HMG20A: variants seen among roughly 807,000 people sequenced by gnomAD.
HMG20A encodes the protein high mobility group 20A, also known as high mobility group protein 20A.
HMG20A carries 17 observed loss-of-function variants against 43.9 expected under a neutral mutation model. That is an observed-to-expected ratio of 0.39 (90% confidence interval 0.27 to 0.58). The LOEUF (loss-of-function observed/expected upper bound fraction) is 0.58, where lower values mean the gene tolerates loss of function less well. Ranked by LOEUF, HMG20A falls within the 20% of genes least tolerant of loss-of-function variation. The pLI is 0.59. For synonymous variants in HMG20A, 132 were observed against 147.5 expected, an observed-to-expected ratio of 0.89 and a Z score of 0.76; for missense variants, 341 against 438.2, an observed-to-expected ratio of 0.78 and a Z score of 1.98.
chr15:77,457,485 T>C (rs1161894293), intron 1 of HMG20A, among the ~76,000 whole-genome samples: 3 of 152,262 alleles, frequency 2.0e-5, no homozygotes. Flanking sequence ...ATCCCTTTCA[T>C]GATGAAGGGA....
chr15:77,460,671 T>C (rs2072696872), intron 2 of HMG20A, among the ~76,000 whole-genome samples: 1 of 152,030 alleles, frequency 6.6e-6, no homozygotes, highest in Non-Finnish European at 1.5e-5. Flanking sequence ...GCCTGACCTC[T>C]GGGATACTCC....
intron 2 of HMG20A, among the ~76,000 whole-genome samples, chr15:77,463,938 A>G (rs983844971): frequency 6.6e-6 from 1 of 152,214 alleles, no homozygotes; most frequent in Non-Finnish European, 1.5e-5. Flanking sequence ...GTCAGATTCT[A>G]CTGCATATTC....
chr15:77,464,874 A>G (rs1172317751), intron 3 of HMG20A: 2 of 152,328 alleles, frequency 1.3e-5, no homozygotes, highest in African/African-American at 4.8e-5. Context: ...TTTCTTACAA[A>G]TAACTGATTA....
At chr15:77,511,593 A>G in the HMG20A span, among the ~76,000 whole-genome samples, 1 of 152,248 alleles carries the variant, frequency 6.6e-6, no homozygotes, top group Non-Finnish European at 1.5e-5. Context: ...AAACAACCCA[A>G]TTAAAAAGGA....
At position 77,462,803 on chromosome 15, in the gene HMG20A, T is replaced by G. The variant is rs1436593453; in HGVS notation, c.90-1437T>G. On this transcript the variant is annotated intron_variant, in intron 2 of 9. Coordinates refer to ENST00000336216, the MANE Select transcript of HMG20A (RefSeq NM_001304504.2). ...TTTTTTTTTTTTTGAGACTGAGTCTTACTCTGTCACCCAGGTTGGAGTGCA... is the reference window on the plus strand; with the variant it reads ...TTTTTTTTTTTTTGAGACTGAGTCTGACTCTGTCACCCAGGTTGGAGTGCA... 9.4e-5 allele frequency among the ~76,000 whole-genome samples: 14 copies of G among 149,010 alleles called. 1 individual carries two copies. The East Asian group carries it at 2.7e-3, about 29-fold the overall frequency.
chr15:77,488,492 G>A (rs74638858), downstream of HMG20A, among the ~76,000 whole-genome samples: 4,853 of 152,248 alleles, frequency 0.032, 259 homozygotes, highest in African/African-American at 0.11. Flanking sequence ...CTTACCTGAT[G>A]AGATATTTTT....
intron 1 of HMG20A, among the ~76,000 whole-genome samples, chr15:77,439,615 T>C (rs1212420825): frequency 6.6e-6 from 1 of 152,208 alleles, no homozygotes; most frequent in African/African-American, 2.4e-5. Flanking sequence ...GACTATATCA[T>C]AACATATCCA....
At chr15:77,426,550 A>G (rs1266218486) in intron 1 of HMG20A, among the ~76,000 whole-genome samples, 1 of 152,114 alleles carries the variant, frequency 6.6e-6, no homozygotes, top group Non-Finnish European at 1.5e-5. Context: ...GTAGGCTGAG[A>G]AGGAGGAAGA....
At chr15:77,425,204 T>C (rs539101934) in intron 1 of HMG20A, among the ~76,000 whole-genome samples, 1 of 152,324 alleles carries the variant, frequency 6.6e-6, no homozygotes, top group African/African-American at 2.4e-5. Flanking sequence ...GCACTTACTG[T>C]CCAGTGCTCC....
At chr15:77,458,550 T>G in intron 2 of HMG20A, 54 bp downstream of exon 2, 2 of 1,212,892 alleles carry the variant, frequency 1.6e-6, no homozygotes, top group Non-Finnish European at 1.2e-6. Flanking sequence ...AAACAAAGCT[T>G]CTAGCAAAGT....
At chr15:77,472,065 C>T (rs1436549352) in intron 6 of HMG20A, among the ~76,000 whole-genome samples, 1 of 151,716 alleles carries the variant, frequency 6.6e-6, no homozygotes, top group East Asian at 1.9e-4. Context: ...GCTTTAAATG[C>T]CAAAGATGGC....
chr15:77,451,917 A>G (rs912264621), intron 1 of HMG20A, among the ~76,000 whole-genome samples: 1 of 152,196 alleles, frequency 6.6e-6, no homozygotes, highest in Non-Finnish European at 1.5e-5. Flanking sequence ...AATATACATC[A>G]ATCGGCCATG....
At position 77,426,049 on chromosome 15, in the gene HMG20A, A is replaced by G. The variant is rs1352468606; in HGVS notation, c.-5+5045A>G. Among the ~76,000 whole-genome samples the G allele has an allele frequency of 1.3e-5, 2 of 152,220 alleles. 1 individual carries two copies. Among genetic ancestry groups the G allele is most frequent in the Non-Finnish European group, 2.9e-5 (2 of 68,020 alleles). ...ACCTATTATGTGATTCCATTTATTT[A>G]AGATGTCTAGATTAGGCAAAACTAA... On this transcript the variant is annotated intron_variant, in intron 1 of 9. Transcript: ENST00000336216.
intron 1 of HMG20A, among the ~76,000 whole-genome samples, chr15:77,432,942 T>C (rs2073503072): frequency 6.6e-6 from 1 of 152,140 alleles, no homozygotes; most frequent in Non-Finnish European, 1.5e-5. Context: ...CAACCTTACA[T>C]AGACAGATTT....
At chr15:77,519,661 C>G in the HMG20A span, among the ~76,000 whole-genome samples, 1 of 152,202 alleles carries the variant, frequency 6.6e-6, no homozygotes, top group South Asian at 2.1e-4. Flanking sequence ...CTGCTGGGGC[C>G]TTGATCTTGG....
chr15:77,518,725 G>A, the HMG20A span, among the ~76,000 whole-genome samples: 1 of 152,142 alleles, frequency 6.6e-6, no homozygotes, highest in East Asian at 1.9e-4. Flanking sequence ...AAGGGACTGG[G>A]CTTCTCTACA....
At chr15:77,516,636 G>C in the HMG20A span, among the ~76,000 whole-genome samples, 1 of 152,058 alleles carries the variant, frequency 6.6e-6, no homozygotes, top group Admixed American at 6.5e-5. Context: ...TCCCCCTCAA[G>C]AGTCCCCAGG....
At chr15:77,464,141 C>A (rs1595925745) in intron 2 of HMG20A, 99 bp from the exon 3 acceptor site, 2 of 1,266,642 alleles carry the variant, frequency 1.6e-6, no homozygotes, top group Non-Finnish European at 2.2e-6. Flanking sequence ...GGAATTAATT[C>A]AAGGACTGGC....
the HMG20A span, among the ~76,000 whole-genome samples, chr15:77,499,527 T>TC: frequency 4.6e-5 from 7 of 151,196 alleles, no homozygotes; most frequent in African/African-American, 7.3e-5. Flanking sequence ...CACAGAATGC[T>TC]CCCCCCCACA....
Sources: allele counts gnomAD v4.1 joint callset (sites outside exome capture counted in the v4.1 genomes callset), GRCh38; gene constraint gnomAD v4.1.1; transcripts MANE v1.5; gene names NCBI Gene and HGNC (gene_info 2026-07-23, HGNC 2026-07-21).